The following RASGEF1B variants were observed in gnomAD, a reference collection of about 807,000 sequenced individuals.
RASGEF1B encodes the protein ras-GEF domain-containing family member 1B.
RASGEF1B carries 30 observed loss-of-function variants against 65.7 expected under a neutral mutation model. The ratio of observed to expected loss-of-function variants is 0.46; its 90% CI spans 0.34 to 0.62. The LOEUF (loss-of-function observed/expected upper bound fraction) is 0.62. Among genes scored for constraint, RASGEF1B ranks in the 20% least tolerant of loss-of-function variants. The pLI is 0.01. For missense variants in RASGEF1B, 495 were observed against 580.1 expected (o/e 0.85, Z 1.51); for synonymous variants, 175 against 194.8 (o/e 0.90, Z 0.85).
rs113677987 is a variant in RASGEF1B, at chr4:81,445,795, T to C, written c.773A>G (p.Tyr258Cys). The C allele has an allele frequency of 6.2e-7, 1 of 1,614,140 alleles. No homozygotes were observed. Among genetic ancestry groups the C allele is most frequent in the Non-Finnish European group, 8.5e-7 (1 of 1,179,984 alleles). The part of the protein sequence containing the change: ...ERKKTRNLEA[Y>C]VEWFNRLSYL... ...GCTGAGGCGATTAAACCATTCCACG[T>C]AAGCTTCTAAGTTTCGTGTTTTCTT... Residue 258 changes from tyrosine (Y) to cysteine (C), a missense_variant, in exon 7 of 14, where the codon TAC becomes TGC. Physicochemically the swap from Tyr to Cys is radical, Grantham distance 194. Coordinates refer to ENST00000264400, the MANE Select transcript of RASGEF1B (RefSeq NM_152545.3).
At chr4:81,450,350 C>T (rs1396263453) in intron 4 of RASGEF1B, among the ~76,000 whole-genome samples, 2 of 151,550 alleles carry the variant, frequency 1.3e-5, no homozygotes, top group African/African-American at 2.4e-5. Flanking sequence ...TCTACAAAAA[C>T]TTATTTATAT....
At chr4:81,467,941 C>A (rs1490285672) in intron 1 of RASGEF1B, among the ~76,000 whole-genome samples, 1 of 152,024 alleles carries the variant, frequency 6.6e-6, no homozygotes, top group Non-Finnish European at 1.5e-5. Flanking sequence ...TTGCACAATC[C>A]AATACAGCAG....
intron 1 of RASGEF1B, among the ~76,000 whole-genome samples, chr4:81,466,338 T>C (rs1722801221): frequency 6.6e-6 from 1 of 152,188 alleles, no homozygotes; most frequent in Non-Finnish European, 1.5e-5. Flanking sequence ...CTGTCTCCTT[T>C]CGCCCTGCTA....
chr4:81,444,179 A>G (rs1721941506), intron 8 of RASGEF1B, among the ~76,000 whole-genome samples: 1 of 152,056 alleles, frequency 6.6e-6, no homozygotes, highest in South Asian at 2.1e-4. Flanking sequence ...GATTCTGGAT[A>G]CAAGTTATTT....
chr4:81,456,543 G>T (rs760919033), intron 4 of RASGEF1B, 108 bp downstream of exon 4: 78 of 1,273,310 alleles, frequency 6.1e-5, no homozygotes, highest in Non-Finnish European at 8.5e-5. Flanking sequence ...TTGCCCAAAG[G>T]CAAAACAGAG....
chr4:81,439,611 G>A (rs185571778), intron 10 of RASGEF1B, among the ~76,000 whole-genome samples: 8 of 152,302 alleles, frequency 5.3e-5, no homozygotes, highest in African/African-American at 1.9e-4. Context: ...CACAGAGAAG[G>A]TGAATGAGGC....
chr4:81,439,416 C>CT (rs1483463034), intron 10 of RASGEF1B, among the ~76,000 whole-genome samples: 1 of 152,168 alleles, frequency 6.6e-6, no homozygotes, highest in Non-Finnish European at 1.5e-5. Context: ...ATACTTGGGA[C>CT]TTTTTGTAGA....
Position 81,426,475 on chromosome 4 carries a change from G to GCATA in RASGEF1B, c.*1289_*1292dup, listed in dbSNP as rs1721224884. 6.6e-6 allele frequency: 1 copy of GCATA among 152,150 alleles called. No individual in the cohort carries two copies. The highest frequency in any genetic ancestry group is 1.5e-5 in the Non-Finnish European group (1 of 68,036). 9.4% of individuals were successfully genotyped at this position (152,150 alleles called of 1,614,324 possible). A position where few individuals can be genotyped will look rare whatever the true frequency, so the allele number is the denominator to read the frequency against. On this transcript the variant is annotated 3_prime_UTR_variant, in exon 14 of 14. Coordinates refer to ENST00000264400, the MANE Select transcript of RASGEF1B (RefSeq NM_152545.3). ...TTTAGGTCTGCTGAGATGATGCACA[G>GCATA]CATACATACATGCTCTAGTTTTTGG...
At chr4:81,448,334 C>A (rs1722119602) in intron 4 of RASGEF1B, 50 bp from the exon 5 acceptor site, 1 of 1,509,538 alleles carries the variant, frequency 6.6e-7, no homozygotes. Context: ...TCTGGTTTTG[C>A]CACTAGGCAA....
chr4:81,440,678 CCTT>C (rs1721801381), intron 10 of RASGEF1B, among the ~76,000 whole-genome samples, 153 bp downstream of exon 10: 1 of 152,136 alleles, frequency 6.6e-6, no homozygotes, highest in South Asian at 2.1e-4. Context: ...GTAGCATTCT[CCTT>C]CTCTGTGTGT....
Position 81,427,688 on chromosome 4 carries a change from C to A in RASGEF1B, c.*80G>T. 2 of 1,549,758 alleles carry A rather than the reference C, an allele frequency of 1.3e-6. No individual in the cohort carries two copies. Among genetic ancestry groups the A allele is most frequent in the Non-Finnish European group, 1.8e-6 (2 of 1,129,290 alleles). On this transcript the variant is annotated 3_prime_UTR_variant, in exon 14 of 14. Transcript: ENST00000264400. ...AGGGTCTTCATGAGTGTTCGTGGTA[C>A]GAGATGCCAGAAAACAAAGGCCAGC... is the stretch of plus-strand genomic sequence containing the variant.
intron 4 of RASGEF1B, chr4:81,455,159 G>C (rs990267263): frequency 6.6e-6 from 1 of 152,180 alleles, no homozygotes; most frequent in Non-Finnish European, 1.5e-5. Flanking sequence ...AATTGCGGCT[G>C]GGTGCAGTGA....
chr4:81,457,454 A>G (rs774163131), intron 3 of RASGEF1B, 45 bp downstream of exon 3: 9 of 1,604,088 alleles, frequency 5.6e-6, no homozygotes, highest in Non-Finnish European at 7.7e-6. Context: ...AATCTAAGCC[A>G]TAAAGTAAGC....
intron 9 of RASGEF1B, among the ~76,000 whole-genome samples, chr4:81,441,768 C>A (rs976021787): frequency 3.3e-5 from 5 of 151,938 alleles, no homozygotes; most frequent in African/African-American, 1.2e-4. Context: ...GTCCTGAACT[C>A]CTGGGTTCAG....
At chr4:81,462,614 A>G (rs1031035796) in intron 1 of RASGEF1B, among the ~76,000 whole-genome samples, 1 of 152,324 alleles carries the variant, frequency 6.6e-6, no homozygotes, top group Non-Finnish European at 1.5e-5. Flanking sequence ...ATTATGCACA[A>G]TAGTCTTATT....
intron 5 of RASGEF1B, 129 bp downstream of exon 5, chr4:81,447,940 A>G: frequency 1.4e-6 from 1 of 722,650 alleles, no homozygotes; most frequent in Non-Finnish European, 2.4e-6. Flanking sequence ...TGTTTCAGCT[A>G]TCTCAGATGA....
intron 4 of RASGEF1B, chr4:81,451,647 A>G (rs1275618410): frequency 3.9e-5 from 6 of 152,178 alleles, no homozygotes; most frequent in Non-Finnish European, 7.3e-5. Context: ...ATATATTCCT[A>G]TATTACTTGA....
intron 7 of RASGEF1B, 57 bp from the exon 8 acceptor site, chr4:81,445,685 A>C: frequency 6.3e-7 from 1 of 1,584,234 alleles, no homozygotes; most frequent in Non-Finnish European, 8.7e-7. Context: ...CAACAGTTCT[A>C]AAATAAGTAT....
rs1338115734 is a variant in RASGEF1B, at chr4:81,445,785, C to T, written c.783G>A (p.Trp261Ter). 1 of 1,614,032 alleles carries T rather than the reference C, an allele frequency of 6.2e-7. No homozygotes were observed. Reference sequence around the variant, plus strand: ...CAACCAAGTAGCTGAGGCGATTAAACCATTCCACGTAAGCTTCTAAGTTTC... The same window carrying T: ...CAACCAAGTAGCTGAGGCGATTAAATCATTCCACGTAAGCTTCTAAGTTTC... ...KTRNLEAYVE[W>*]FNRLSYLVAT... The change falls in exon 7 of 14, where the codon TGG becomes TGA. Residue 261 changes from tryptophan (W) to a stop codon, truncating the protein, a stop_gained. Transcript: ENST00000264400. LOFTEE classifies it high-confidence loss of function.
Sources: gnomAD v4.1 joint callset for allele counts (sites outside exome capture counted in the v4.1 genomes callset) on GRCh38, gnomAD v4.1.1 for gene constraint, MANE v1.5 for transcripts, NCBI Gene and HGNC (gene_info 2026-07-23, HGNC 2026-07-21) for gene names.